The following DENND10 variants were observed in gnomAD, a reference collection of about 807,000 sequenced individuals.
The protein encoded by DENND10 is DENN domain containing 10, also known as DENN domain-containing protein 10.
Under a neutral mutation model 43.6 loss-of-function variants are expected in DENND10, and 24 were observed. The observed-to-expected ratio is 0.55, with a 90% CI of 0.40 to 0.77. The LOEUF (loss-of-function observed/expected upper bound fraction) is 0.77, where lower values mean the gene tolerates loss of function less well. Ranked by LOEUF, DENND10 falls within the 30% of genes least tolerant of loss-of-function variation. The pLI, the probability that DENND10 is intolerant of heterozygous loss-of-function variation, is 0.00. For missense variants in DENND10, 303 were observed against 429.9 expected, an observed-to-expected ratio of 0.70 and a Z score of 2.61; for synonymous variants, 125 against 157.6, an observed-to-expected ratio of 0.79 and a Z score of 1.55.
At chr10:119,131,889 C>T (rs1846103410) in intron 7 of DENND10, among the ~76,000 whole-genome samples, 1 of 152,226 alleles carries the variant, frequency 6.6e-6, no homozygotes, top group South Asian at 2.1e-4. Context: ...CATCTTCCTG[C>T]TGCCCTGTGT....
In DENND10 at chr10:119,104,174, T is replaced by C. The variant is rs1350925941; in HGVS notation, c.32T>C (p.Leu11Pro). 2 of 1,524,238 alleles carry C rather than the reference T, an allele frequency of 1.3e-6. No individual in the cohort carries two copies. Among genetic ancestry groups the C allele is most frequent in the East Asian group, 2.7e-5 (1 of 37,552 alleles). The allele number at this position is 1,524,238 out of a possible 1,614,324, so 94.4% of individuals were successfully genotyped here. A position where few individuals can be genotyped will look rare whatever the true frequency, so the allele number is the denominator to read the frequency against. The change falls in exon 1 of 9, where the codon CTG (leucine) becomes CCG (proline). Residue 11 changes from leucine (L) to proline (P), a missense_variant. Physicochemically the swap from Leu to Pro is moderately conservative, Grantham distance 98 (BLOSUM62 -3). Coordinates refer to ENST00000361432, the MANE Select transcript of DENND10 (RefSeq NM_207009.4). The stretch of plus-strand genomic sequence containing the variant: ...GCGGCCGAGGTGGCGGACACTCAGC[T>C]GATGCTTGGAGTCGGGCTGATCGGT... MAAAEVADTQ[L>P]MLGVGLIEKD...
chr10:119,126,176 C>T (rs1845823302), intron 6 of DENND10, among the ~76,000 whole-genome samples: 1 of 152,102 alleles, frequency 6.6e-6, no homozygotes. Flanking sequence ...TGTGTATATG[C>T]ACCACATTTT....
At position 119,111,871 on chromosome 10, in the gene DENND10, T is replaced by C; in HGVS notation, c.275T>C (p.Leu92Pro). Reference sequence around the variant, plus strand: ...CAGGTGACTCATTTTTCTATTGTCCTGACCGCCAAAGATTTTAACCCAGAG... The same window carrying C: ...CAGGTGACTCATTTTTCTATTGTCCCGACCGCCAAAGATTTTAACCCAGAG... ...LKKVTHFSIVLTAKDFNPEKY... is the reference protein window; with the variant it reads ...LKKVTHFSIVPTAKDFNPEKY... The change falls in exon 3 of 9, where the codon CTG (leucine) becomes CCG (proline). Residue 92 changes from leucine (L) to proline (P), a missense_variant. Physicochemically the swap from Leu to Pro is moderately conservative, Grantham distance 98 (BLOSUM62 -3). Coordinates refer to ENST00000361432, the MANE Select transcript of DENND10 (RefSeq NM_207009.4). 1 of 1,613,476 alleles carries C rather than the reference T, an allele frequency of 6.2e-7. No homozygotes were observed. Among genetic ancestry groups the C allele is most frequent in the East Asian group, 2.2e-5 (1 of 44,858 alleles).
chr10:119,104,310 G>A lies in DENND10; in HGVS notation c.55+113G>A, dbSNP rs1844574405. 38 of 1,012,490 alleles carry A rather than the reference G, an allele frequency of 3.8e-5. No homozygotes were observed. In the South Asian group the frequency reaches 4.2e-4, roughly 11 times the overall value. The allele number at this position is 1,012,490 out of a possible 1,614,324, so 62.7% of individuals were successfully genotyped here. On this transcript the variant is annotated intron_variant, in intron 1 of 8. Transcript: ENST00000361432. ...CCCCCGGCGCCGACCGCATGAGGAG[G>A]GCGCGGCCCCCTCCCTGTTGGGCCT...
chr10:119,124,543 GA>G (rs1040844520), intron 6 of DENND10, among the ~76,000 whole-genome samples: 1 of 151,772 alleles, frequency 6.6e-6, no homozygotes, highest in African/African-American at 2.4e-5. Context: ...TCTGTCTCCA[GA>G]AAAAAAGATT....
chr10:119,111,717 G>T, intron 2 of DENND10, 132 bp from the exon 3 acceptor site: 2 of 637,594 alleles, frequency 3.1e-6, no homozygotes, highest in East Asian at 2.7e-5. Context: ...AGCAAGTGAG[G>T]ACTTGTTAAA....
At chr10:119,108,223 G>A (rs1844793944) in intron 2 of DENND10, 59 bp downstream of exon 2, 2 of 1,237,092 alleles carry the variant, frequency 1.6e-6, no homozygotes, top group Non-Finnish European at 2.3e-6. Flanking sequence ...GGTGGCTCAT[G>A]CCTGTAATCC....
intron 8 of DENND10, 141 bp from the exon 9 acceptor site, chr10:119,136,330 G>C: frequency 3.2e-6 from 3 of 932,696 alleles, no homozygotes; most frequent in Non-Finnish European, 3.2e-6. Flanking sequence ...CAAAGTGCTG[G>C]GATTACAGGC....
At chr10:119,131,586 T>C (rs1335973849) in intron 7 of DENND10, among the ~76,000 whole-genome samples, 3 of 152,222 alleles carry the variant, frequency 2.0e-5, no homozygotes, top group African/African-American at 7.2e-5. Context: ...ACAGCTTTGT[T>C]TTGTCACTTA....
Position 119,113,371 on chromosome 10 carries a change from T to C in DENND10, c.332+1443T>C, listed in dbSNP as rs536044960. Among the ~76,000 whole-genome samples the C allele has an allele frequency of 2.3e-4, 35 of 151,536 alleles. No individual in the cohort carries two copies. The East Asian group carries it at 6.0e-3, about 26-fold the overall frequency. On this transcript the variant is annotated intron_variant, in intron 3 of 8. Transcript: ENST00000361432. ...CTCCTGGCTAATTAAAAAATATATA[T>C]ATATTTTGTAGAAAGGTGGTCTTAC...
In DENND10 at chr10:119,117,578, C is replaced by T. The variant is rs778879082; in HGVS notation, c.392C>T (p.Thr131Ile). ...KMMESYIAVL[T>I]KGICQSEENG... ...ATGGAGAGTTATATTGCAGTTCTCA[C>T]AAAGGGGATATGCCAGAGTGAAGAA... Residue 131 changes from threonine to isoleucine, a missense_variant, in exon 4 of 9, where the codon ACA (threonine) becomes ATA (isoleucine). Coordinates refer to ENST00000361432, the MANE Select transcript of DENND10 (RefSeq NM_207009.4). 2 of 1,613,646 alleles carry T rather than the reference C, an allele frequency of 1.2e-6. No homozygotes were observed. The highest frequency in any genetic ancestry group is 1.7e-6 in the Non-Finnish European group (2 of 1,179,698).
In DENND10 at chr10:119,129,598, A is replaced by G. The variant is rs530572113; in HGVS notation, c.778A>G (p.Ile260Val). 2 of 1,611,408 alleles carry G rather than the reference A, an allele frequency of 1.2e-6. No homozygotes were observed. Among genetic ancestry groups the G allele is most frequent in the East Asian group, 2.2e-5 (1 of 44,874 alleles). The change falls in exon 7 of 9, where the codon ATT (isoleucine) becomes GTT (valine). Residue 260 changes from isoleucine to valine, a missense_variant. Transcript: ENST00000361432. ...DVFVNLAESEITIAPLAKEAM... is the reference protein window; with the variant it reads ...DVFVNLAESEVTIAPLAKEAM... ...GTTTGTGAATCTGGCAGAGAGTGAG[A>G]TTACCATTGCTCCCCTTGCAAAAGG...
At chr10:119,117,397 C>T (rs990780628) in intron 3 of DENND10, 122 bp from the exon 4 acceptor site, 110 of 995,322 alleles carry the variant, frequency 1.1e-4, no homozygotes, top group Non-Finnish European at 1.5e-4. Context: ...GTGAAGCATT[C>T]AGAAGGGCAG....
intron 6 of DENND10, among the ~76,000 whole-genome samples, chr10:119,125,501 C>CTTTTTTTTTTTTTTTTTTTTTTTTT (rs34630434): frequency 1.5e-5 from 1 of 65,848 alleles, no homozygotes; most frequent in Non-Finnish European, 2.8e-5. Flanking sequence ...TTCTAGTTTT[C>CTTTTTTTTTTTTTTTTTTTTTTTTT]TTTTTTTTTT....
At position 119,137,687 on chromosome 10, in the gene DENND10, C is replaced by T. The variant is rs1846420214; in HGVS notation, c.*1040C>T. The T allele has an allele frequency of 6.0e-6, 1 of 165,908 alleles. No individual in the cohort carries two copies. Among genetic ancestry groups the T allele is most frequent in the Non-Finnish European group, 1.5e-5 (1 of 67,976 alleles). The allele number at this position is 165,908 out of a possible 1,614,324, so 10.3% of individuals were successfully genotyped here. A position where few individuals can be genotyped will look rare whatever the true frequency, so the allele number is the denominator to read the frequency against. On this transcript the variant is annotated 3_prime_UTR_variant, in exon 9 of 9. Transcript: ENST00000361432. Reference sequence around the variant, plus strand: ...AGTACTGATGTCCTTGGAAATCTTACCTGGAAACATGTTTGCAAAAAACAT... The same window carrying T: ...AGTACTGATGTCCTTGGAAATCTTATCTGGAAACATGTTTGCAAAAAACAT...
At chr10:119,113,210 G>A (rs543485931) in intron 3 of DENND10, among the ~76,000 whole-genome samples, 8 of 145,614 alleles carry the variant, frequency 5.5e-5, no homozygotes, top group Middle Eastern at 3.6e-3. Flanking sequence ...TTTTTTTAGC[G>A]ACACGGTCTT....
At chr10:119,122,378 A>G (rs757012328) in intron 5 of DENND10, among the ~76,000 whole-genome samples, 3 of 152,192 alleles carry the variant, frequency 2.0e-5, no homozygotes, top group African/African-American at 7.2e-5. Context: ...AGATCGTAAT[A>G]TCTACTTACA....
At chr10:119,108,723 C>G (rs12219784) in intron 2 of DENND10, among the ~76,000 whole-genome samples, 2 of 150,706 alleles carry the variant, frequency 1.3e-5, no homozygotes, top group Admixed American at 6.6e-5. Context: ...GGCGCAATCT[C>G]GGCTCACTGC....
At chr10:119,123,373 C>A in intron 5 of DENND10, 96 bp from the exon 6 acceptor site, 1 of 859,450 alleles carries the variant, frequency 1.2e-6, no homozygotes, top group Non-Finnish European at 1.9e-6. Context: ...TAGACTCTAC[C>A]CTCTTCATTT....
Sources: allele counts gnomAD v4.1 joint callset (sites outside exome capture counted in the v4.1 genomes callset), GRCh38; gene constraint gnomAD v4.1.1; transcripts MANE v1.5; gene names NCBI Gene and HGNC (gene_info 2026-07-23, HGNC 2026-07-21).